The following RAB5C variants were observed in gnomAD, a reference collection of about 807,000 sequenced individuals.
RAB5C encodes ras-related protein Rab-5C.
RAB5C carries 4 observed loss-of-function variants against 25.2 expected under a neutral mutation model. The ratio of observed to expected loss-of-function variants is 0.16; its 90% CI spans 0.08 to 0.36. The LOEUF is 0.36. Among genes scored for constraint, RAB5C ranks in the 10% least tolerant of loss-of-function variants. The probability of loss-of-function intolerance (pLI) is 1.00; values close to 1 mark genes in which losing one functional copy is unlikely to be tolerated. For missense variants in RAB5C, 199 were observed against 283.8 expected (o/e 0.70, Z 2.15); for synonymous variants, 100 against 106.4 (o/e 0.94, Z 0.37).
At chr17:42,146,674 A>T (rs1176945804) in intron 1 of RAB5C, among the ~76,000 whole-genome samples, 1 of 151,186 alleles carries the variant, frequency 6.6e-6, no homozygotes, top group Non-Finnish European at 1.5e-5. Context: ...ACTTGAACCC[A>T]GGAGACGGAG....
Position 42,126,305 on chromosome 17 carries a change from G to A in RAB5C, c.536-407C>T, listed in dbSNP as rs1028360223. On this transcript the variant is annotated intron_variant, in intron 5 of 5. Transcript: ENST00000346213. ...ACCAACATCTACATCTGGGAGTCAG[G>A]TGATGATGAAAACAATTTTATCAGA... Among the ~76,000 whole-genome samples, 5 of 152,110 alleles carry A rather than the reference G, an allele frequency of 3.3e-5. No individual in the cohort carries two copies. In the South Asian group the frequency reaches 1.0e-3, roughly 32 times the overall value.
chr17:42,135,539 T>C (rs933892489), intron 1 of RAB5C, among the ~76,000 whole-genome samples: 1 of 152,118 alleles, frequency 6.6e-6, no homozygotes, highest in Non-Finnish European at 1.5e-5. Context: ...CTACAGTTGA[T>C]ATACGAAGGA....
At chr17:42,154,437 C>T (rs2079693099) in intron 1 of RAB5C, among the ~76,000 whole-genome samples, 1 of 152,112 alleles carries the variant, frequency 6.6e-6, no homozygotes, top group African/African-American at 2.4e-5. Flanking sequence ...AACGGTCTCA[C>T]CCAGACGACC....
chr17:42,137,477 G>A (rs2054549079), intron 1 of RAB5C, among the ~76,000 whole-genome samples: 1 of 152,106 alleles, frequency 6.6e-6, no homozygotes, highest in Admixed American at 6.6e-5. Context: ...AAATGCTGCT[G>A]GTATAGAATT....
chr17:42,153,437 G>C (rs976288376), intron 1 of RAB5C, among the ~76,000 whole-genome samples: 2 of 152,034 alleles, frequency 1.3e-5, no homozygotes, highest in Non-Finnish European at 2.9e-5. Context: ...AAACAAAAAA[G>C]TGAAGAAAGT....
Position 42,130,123 on chromosome 17 carries a change from C to T in RAB5C, c.166+214G>A, listed in dbSNP as rs2054469370. 10 of 614,104 alleles carry T rather than the reference C, an allele frequency of 1.6e-5. No individual in the cohort carries two copies. The South Asian group carries it at 2.6e-4, about 16-fold the overall frequency. The allele number at this position is 614,104 out of a possible 1,614,324, so 38.0% of individuals were successfully genotyped here. A position where few individuals can be genotyped will look rare whatever the true frequency, so the allele number is the denominator to read the frequency against. Reference sequence around the variant, plus strand: ...GAAACAGGATGGGAAGCTAGCTTTCCACTCCCAGCAAATGCTTACTAGCGA... The same window carrying T: ...GAAACAGGATGGGAAGCTAGCTTTCTACTCCCAGCAAATGCTTACTAGCGA... On this transcript the variant is annotated intron_variant, in intron 2 of 5. Transcript: ENST00000346213.
At chr17:42,135,408 C>G (rs2054527158) in intron 1 of RAB5C, among the ~76,000 whole-genome samples, 1 of 152,064 alleles carries the variant, frequency 6.6e-6, no homozygotes, top group African/African-American at 2.4e-5. Flanking sequence ...ACCAGAATCA[C>G]CCAGGGCCTT....
intron 2 of RAB5C, 83 bp downstream of exon 2, chr17:42,130,254 C>T: frequency 2.6e-6 from 4 of 1,518,242 alleles, no homozygotes; most frequent in Non-Finnish European, 2.7e-6. Flanking sequence ...CTAATGCAGG[C>T]AGGCAGCTTC....
At chr17:42,150,544 C>CA (rs759878778) in intron 1 of RAB5C, among the ~76,000 whole-genome samples, 7,771 of 19,340 alleles carry the variant, frequency 0.4, 2,616 homozygotes, top group African/African-American at 0.49. Flanking sequence ...AACTCCATCT[C>CA]AAAAAAAAAA....
intron 1 of RAB5C, among the ~76,000 whole-genome samples, chr17:42,148,275 C>T (rs2079649150): frequency 6.6e-6 from 1 of 151,682 alleles, no homozygotes; most frequent in Non-Finnish European, 1.5e-5. Context: ...CGTGGTGGTA[C>T]ACACCTGTAA....
chr17:42,150,031 T>C lies in RAB5C; in HGVS notation c.-89+4862A>G, dbSNP rs566907920. On this transcript the variant is annotated intron_variant, in intron 1 of 5. Coordinates refer to ENST00000346213, the MANE Select transcript of RAB5C (RefSeq NM_004583.4). The stretch of plus-strand genomic sequence containing the variant: ...TCCCAAGTAGCTGGGATTACAGGCA[T>C]GTGCCACCACGCCTGACTAATTTTG... 1.1e-3 allele frequency among the ~76,000 whole-genome samples: 166 copies of C among 152,176 alleles called. 2 individuals carry two copies. Among genetic ancestry groups the C allele is most frequent in the Non-Finnish European group, 1.9e-3 (130 of 68,004 alleles).
chr17:42,125,997 ACT>A, intron 5 of RAB5C, 99 bp from the exon 6 acceptor site: 1 of 836,026 alleles, frequency 1.2e-6, no homozygotes, highest in Non-Finnish European at 1.9e-6. Context: ...ATCAGTGGTA[ACT>A]CACATATTGA....
intron 1 of RAB5C, among the ~76,000 whole-genome samples, chr17:42,132,875 G>A (rs2054500286): frequency 6.6e-6 from 1 of 152,040 alleles, no homozygotes. Context: ...TATATTAAAT[G>A]TCCTGCTCAT....
At chr17:42,138,158 T>C (rs2054556974) in intron 1 of RAB5C, among the ~76,000 whole-genome samples, 1 of 152,168 alleles carries the variant, frequency 6.6e-6, no homozygotes, top group African/African-American at 2.4e-5. Context: ...CAGTATGATA[T>C]TCTCCACTCC....
intron 1 of RAB5C, among the ~76,000 whole-genome samples, chr17:42,136,034 C>T (rs1487235501): frequency 2.0e-5 from 3 of 152,140 alleles, no homozygotes; most frequent in Admixed American, 6.5e-5. Context: ...CTACATTTTA[C>T]CCCGGAAAAG....
intron 2 of RAB5C, among the ~76,000 whole-genome samples, chr17:42,129,020 C>A (rs1427429067): frequency 6.6e-6 from 1 of 152,006 alleles, no homozygotes; most frequent in South Asian, 2.1e-4. Flanking sequence ...GCAGACCCAG[C>A]CCAGGCAACG....
intron 4 of RAB5C, among the ~76,000 whole-genome samples, chr17:42,127,830 T>G (rs2054442774): frequency 6.7e-6 from 1 of 149,626 alleles, no homozygotes; most frequent in South Asian, 2.1e-4. Flanking sequence ...CCTGGCTGTT[T>G]TTTTTTTTTT....
intron 1 of RAB5C, among the ~76,000 whole-genome samples, chr17:42,132,669 C>G (rs1017806049): frequency 6.6e-6 from 1 of 152,080 alleles, no homozygotes; most frequent in Admixed American, 6.6e-5. Context: ...CACCACCACA[C>G]CCAGCTAATT....
chr17:42,143,529 C>G (rs910284685), intron 1 of RAB5C, among the ~76,000 whole-genome samples: 18 of 152,104 alleles, frequency 1.2e-4, no homozygotes, highest in African/African-American at 4.1e-4. Flanking sequence ...CCCAGCTACT[C>G]AGGAGGTTGA....
Sources: allele counts gnomAD v4.1 joint callset (sites outside exome capture counted in the v4.1 genomes callset), GRCh38; gene constraint gnomAD v4.1.1; transcripts MANE v1.5; gene names NCBI Gene and HGNC (gene_info 2026-07-23, HGNC 2026-07-21).